IL1RAPL2: variants seen among roughly 807,000 people sequenced by gnomAD.
The protein encoded by IL1RAPL2 is X-linked interleukin-1 receptor accessory protein-like 2.
IL1RAPL2 carries 3 observed loss-of-function variants against 44.1 expected under a neutral mutation model. That is an observed-to-expected ratio of 0.07 (90% CI 0.03 to 0.18). The LOEUF is 0.18. Ranked by LOEUF, IL1RAPL2 falls within the 10% of genes least tolerant of loss-of-function variation. The probability of loss-of-function intolerance (pLI) is 1.00; values close to 1 mark genes in which losing one functional copy is unlikely to be tolerated. For missense variants in IL1RAPL2, 391 were observed against 496.4 expected, an observed-to-expected ratio of 0.79 and a Z score of 2.02; for synonymous variants, 181 against 178.8, an observed-to-expected ratio of 1.01 and a Z score of -0.10.
At chrX:105,116,639 T>C (rs192105686) in intron 2 of IL1RAPL2, among the ~76,000 whole-genome samples, 59 of 112,518 alleles carry the variant, frequency 5.2e-4, no homozygotes, top group African/African-American at 1.9e-3. Context: ...GCAGCAAACC[T>C]ACATGTAAAT....
At chrX:104,769,032 C>T (rs1219796874) in intron 2 of IL1RAPL2, among the ~76,000 whole-genome samples, 3 of 111,194 alleles carry the variant, frequency 2.7e-5, no homozygotes, top group Non-Finnish European at 5.7e-5. Flanking sequence ...GTGACATTGG[C>T]AAGTGGTTTT....
intron 5 of IL1RAPL2, among the ~76,000 whole-genome samples, chrX:105,390,294 T>G (rs753868869): frequency 9.0e-6 from 1 of 111,536 alleles, no homozygotes; most frequent in African/African-American, 3.3e-5. Flanking sequence ...CTCCCTCCTA[T>G]TGCCAATCGA....
chrX:104,598,756 C>T (rs908647465), intron 1 of IL1RAPL2, among the ~76,000 whole-genome samples: 13 of 112,053 alleles, frequency 1.2e-4, no homozygotes, highest in East Asian at 2.8e-4. Flanking sequence ...TGGTTACTTA[C>T]GGCTTAAAAT....
At position 104,597,859 on chromosome X, in the gene IL1RAPL2, T is replaced by C. The variant is rs1390749450; in HGVS notation, c.-20+30808T>C. On this transcript the variant is annotated intron_variant, in intron 1 of 10. Coordinates refer to ENST00000372582, the MANE Select transcript of IL1RAPL2 (RefSeq NM_017416.2). ...GTTCAGTTTTGGATAAGCTGAGTTT[T>C]AAGTACCTATTGAACATCAAATGAG... 4.5e-5 allele frequency among the ~76,000 whole-genome samples: 5 copies of C among 112,008 alleles called. No homozygotes were observed. The East Asian group carries it at 1.4e-3, about 31-fold the overall frequency.
chrX:105,452,936 G>A (rs1273933684), intron 5 of IL1RAPL2, among the ~76,000 whole-genome samples: 3 of 112,103 alleles, frequency 2.7e-5, no homozygotes, highest in Non-Finnish European at 5.6e-5. Context: ...TTTTTAATCT[G>A]CAAAATAAAG....
intron 2 of IL1RAPL2, among the ~76,000 whole-genome samples, chrX:104,928,478 C>T (rs1924823433): frequency 9.0e-6 from 1 of 111,401 alleles, no homozygotes; most frequent in African/African-American, 3.3e-5. Flanking sequence ...TGGCCTCATG[C>T]TGTGGGAGCC....
chrX:104,643,961 A>G (rs1044304419), intron 1 of IL1RAPL2, among the ~76,000 whole-genome samples: 14 of 111,654 alleles, frequency 1.3e-4, no homozygotes, highest in Admixed American at 8.6e-4. Flanking sequence ...AACCTCAATT[A>G]GCTGGAGTGT....
At chrX:105,647,058 C>T (rs979371150) in intron 6 of IL1RAPL2, among the ~76,000 whole-genome samples, 6 of 112,227 alleles carry the variant, frequency 5.3e-5, no homozygotes, top group Non-Finnish European at 9.4e-5. Context: ...CCGTGGCTCA[C>T]GGAAGAGAAC....
intron 2 of IL1RAPL2, among the ~76,000 whole-genome samples, chrX:104,710,278 T>C (rs1387389849): frequency 9.0e-6 from 1 of 111,476 alleles, no homozygotes; most frequent in African/African-American, 3.2e-5. Context: ...TTATGGTACA[T>C]ACATACAATG....
chrX:105,519,274 C>G (rs1379057660), intron 6 of IL1RAPL2, among the ~76,000 whole-genome samples: 1 of 112,161 alleles, frequency 8.9e-6, no homozygotes, highest in African/African-American at 3.2e-5. Context: ...ATACCATCCT[C>G]TTGAAGATTC....
chrX:105,195,414 C>T lies in IL1RAPL2; in HGVS notation c.83-61C>T, dbSNP rs2033664918. 42 of 1,073,503 alleles carry T rather than the reference C, an allele frequency of 3.9e-5. No individual in the cohort carries two copies. In the South Asian group the frequency reaches 8.0e-4, roughly 21 times the overall value. The allele number at this position is 1,073,503 out of a possible 1,213,427, so 88.5% of individuals were successfully genotyped here. On this transcript the variant is annotated intron_variant, in intron 2 of 10. Transcript: ENST00000372582. The stretch of plus-strand genomic sequence containing the variant: ...TAGGACATGTTGGTGATGATTACTG[C>T]TCACACTATTAGTGTCAACAATGCT...
chrX:105,655,812 T>C (rs1330926668), intron 6 of IL1RAPL2, among the ~76,000 whole-genome samples: 1 of 111,993 alleles, frequency 8.9e-6, no homozygotes, highest in African/African-American at 3.2e-5. Context: ...TGTCTTTGCT[T>C]TTATACATTT....
At chrX:105,343,274 A>G (rs1489792127) in intron 5 of IL1RAPL2, among the ~76,000 whole-genome samples, 1 of 112,299 alleles carries the variant, frequency 8.9e-6, no homozygotes, top group Non-Finnish European at 1.9e-5. Flanking sequence ...ATGAAAAACA[A>G]TTAGGAAAGC....
chrX:104,582,656 CTTTTT>C (rs1166851253), intron 1 of IL1RAPL2, among the ~76,000 whole-genome samples: 2 of 56,778 alleles, frequency 3.5e-5, no homozygotes, highest in African/African-American at 6.9e-5. Flanking sequence ...TTCTTTCTTT[CTTTTT>C]TTTCTTTTTT....
chrX:105,543,621 A>C (rs1371026480), intron 6 of IL1RAPL2, among the ~76,000 whole-genome samples: 1 of 112,564 alleles, frequency 8.9e-6, no homozygotes, highest in Non-Finnish European at 1.9e-5. Context: ...CACAGCAGTG[A>C]CAGAACACCT....
At chrX:105,152,450 C>A (rs959024062) in intron 2 of IL1RAPL2, among the ~76,000 whole-genome samples, 13 of 111,946 alleles carry the variant, frequency 1.2e-4, no homozygotes, top group African/African-American at 3.6e-4. Flanking sequence ...ATTCTCAAAT[C>A]AAATTAATTG....
intron 2 of IL1RAPL2, among the ~76,000 whole-genome samples, chrX:104,775,041 G>A (rs1932696394): frequency 8.9e-6 from 1 of 112,350 alleles, no homozygotes; most frequent in Admixed American, 9.4e-5. Context: ...TGTGCACCGA[G>A]TGTCAGCAGT....
intron 2 of IL1RAPL2, among the ~76,000 whole-genome samples, chrX:105,079,824 A>G (rs2032376496): frequency 9.0e-6 from 1 of 111,388 alleles, no homozygotes; most frequent in South Asian, 3.8e-4. Flanking sequence ...CCAACAGTAT[A>G]AAAGCATTCC....
At chrX:104,845,273 A>G (rs1922020187) in intron 2 of IL1RAPL2, among the ~76,000 whole-genome samples, 1 of 112,233 alleles carries the variant, frequency 8.9e-6, no homozygotes, top group African/African-American at 3.2e-5. Context: ...TTTCCTCATA[A>G]CAGTTTGTCA....
Sources: allele counts gnomAD v4.1 joint callset (sites outside exome capture counted in the v4.1 genomes callset), GRCh38; gene constraint gnomAD v4.1.1; transcripts MANE v1.5; gene names NCBI Gene and HGNC (gene_info 2026-07-23, HGNC 2026-07-21).